Variants in OR51B5 observed in about 807,000 individuals in gnomAD.
The protein encoded by OR51B5 is olfactory receptor family 51 subfamily B member 5, also known as olfactory receptor 51B5.
For synonymous variants in OR51B5, 186 were observed against 144.8 expected (o/e 1.28, Z -2.04); for missense variants, 456 against 374.6 (o/e 1.22, Z -1.79).
intron 1 of OR51B5, among the ~76,000 whole-genome samples, chr11:5,385,814 A>T (rs1288342113): frequency 6.7e-6 from 1 of 149,084 alleles, no homozygotes; most frequent in South Asian, 2.1e-4. Context: ...AAAATCTATA[A>T]AGTATATAAA....
At chr11:5,505,586 G>C in exon 1 of OR51B5, 3 of 834,754 alleles carry the variant, frequency 3.6e-6, no homozygotes, top group Non-Finnish European at 4.8e-6. Flanking sequence ...CATAGCTGGG[G>C]AGGCCTCACA....
chr11:5,459,353 T>C (rs1851012131), intron 1 of OR51B5, among the ~76,000 whole-genome samples: 1 of 152,170 alleles, frequency 6.6e-6, no homozygotes, highest in Non-Finnish European at 1.5e-5. Flanking sequence ...TGGATTAAGT[T>C]TGCTAGCATT....
intron 1 of OR51B5, among the ~76,000 whole-genome samples, chr11:5,459,885 T>C (rs916265377): frequency 1.3e-5 from 2 of 152,176 alleles, no homozygotes; most frequent in African/African-American, 4.8e-5. Flanking sequence ...ACTGGGTATA[T>C]ACCCAAAGGT....
At chr11:5,422,670 C>T (rs372386488) in intron 1 of OR51B5, 26 of 1,613,880 alleles carry the variant, frequency 1.6e-5, no homozygotes, top group Middle Eastern at 1.6e-4. Context: ...TGTGTTCTGG[C>T]GGTTCTTCCC....
intron 1 of OR51B5, among the ~76,000 whole-genome samples, chr11:5,478,851 T>A (rs1222545531): frequency 6.7e-6 from 1 of 150,032 alleles, no homozygotes; most frequent in Non-Finnish European, 1.5e-5. Flanking sequence ...CCAAGAAATA[T>A]GGGACTATGT....
intron 1 of OR51B5, chr11:5,384,063 A>G (rs1005555147): frequency 1.3e-5 from 2 of 152,230 alleles, no homozygotes; most frequent in East Asian, 1.9e-4. Context: ...CTCAGTTACA[A>G]TTAAGGCTTT....
At chr11:5,411,904 G>A (rs999599041) in intron 1 of OR51B5, among the ~76,000 whole-genome samples, 5 of 152,190 alleles carry the variant, frequency 3.3e-5, no homozygotes, top group African/African-American at 4.8e-5. Flanking sequence ...GCTGGAAAAG[G>A]CAAGAAAATG....
intron 1 of OR51B5, among the ~76,000 whole-genome samples, chr11:5,464,439 C>G (rs552258061): frequency 2.0e-5 from 3 of 146,576 alleles, no homozygotes; most frequent in Non-Finnish European, 3.0e-5. Context: ...CCCTCCCCCC[C>G]ACCCACCCCA....
chr11:5,387,008 A>G (rs11037150), intron 1 of OR51B5, among the ~76,000 whole-genome samples: 23,747 of 152,114 alleles, frequency 0.16, 1,880 homozygotes, highest in African/African-American at 0.17. Context: ...GCAGAAACTC[A>G]GGCCTGATAT....
At position 5,424,850 on chromosome 11, in the gene OR51B5, C is replaced by T. The variant is rs1289559759; in HGVS notation, n.85-77940G>A. Among the ~76,000 whole-genome samples, 16 of 104,572 alleles carry T rather than the reference C, an allele frequency of 1.5e-4. 5 individuals are homozygous for T. The highest frequency in any genetic ancestry group is 3.4e-4 in the African/African-American group (10 of 29,772). The allele number at this position is 104,572 out of a possible 152,430, so 68.6% of individuals were successfully genotyped here. ...AGAAAAAATTAGCCGGGCGTGGTGG[C>T]GGGCGCCTATAGTCCCAGCTACTCA... On this transcript the variant is annotated intron_variant and non_coding_transcript_variant, in intron 1 of 4. Transcript: ENST00000415970.
exon 1 of OR51B5, chr11:5,342,866 A>C: frequency 6.2e-7 from 1 of 1,613,294 alleles, no homozygotes. Flanking sequence ...GACAGTCTTG[A>C]GTATCAACAC....
chr11:5,477,939 C>G (rs943621335), intron 1 of OR51B5, among the ~76,000 whole-genome samples: 4 of 151,814 alleles, frequency 2.6e-5, no homozygotes, highest in African/African-American at 7.3e-5. Flanking sequence ...TGGGGAGGGG[C>G]GCCCGCCATT....
rs569341758 is a variant in OR51B5, at chr11:5,371,365, T to A, written n.85-24455A>T. On this transcript the variant is annotated intron_variant and non_coding_transcript_variant, in intron 1 of 4. Transcript: ENST00000415970. ...GGCTCATAAACATTTAATAGAGACA[T>A]TGATGAAACTGTAAAACCCTGAGTT... 5.9e-5 allele frequency among the ~76,000 whole-genome samples: 9 copies of A among 152,168 alleles called. No homozygotes were observed. The East Asian group carries it at 1.4e-3, about 23-fold the overall frequency.
intron 1 of OR51B5, among the ~76,000 whole-genome samples, chr11:5,494,292 A>G (rs1395716684): frequency 6.6e-6 from 1 of 152,184 alleles, no homozygotes; most frequent in Non-Finnish European, 1.5e-5. Context: ...TTTCCCCCTC[A>G]TAGACTTTGA....
At chr11:5,408,350 CCCTTCCTCCCTT>C (rs200781289) in intron 1 of OR51B5, among the ~76,000 whole-genome samples, 53,118 of 98,464 alleles carry the variant, frequency 0.54, 11,188 homozygotes, top group Non-Finnish European at 0.64. Context: ...TTCCCTTCCT[CCCTTCCTCCCTT>C]CCTCCCTCCC....
intron 1 of OR51B5, among the ~76,000 whole-genome samples, chr11:5,497,939 A>G (rs960465025): frequency 2.0e-5 from 3 of 152,186 alleles, no homozygotes; most frequent in African/African-American, 4.8e-5. Context: ...CACGTTTATT[A>G]ATGGCATGAA....
At chr11:5,354,122 T>TA (rs1849148836) in intron 1 of OR51B5, among the ~76,000 whole-genome samples, 1 of 152,116 alleles carries the variant, frequency 6.6e-6, no homozygotes, top group Non-Finnish European at 1.5e-5. Context: ...TAAATAAAAT[T>TA]TAAAGTGACC....
chr11:5,348,737 G>T (rs2133684419), intron 1 of OR51B5, among the ~76,000 whole-genome samples: 1 of 152,224 alleles, frequency 6.6e-6, no homozygotes, highest in East Asian at 1.9e-4. Context: ...GGGTGGGTCT[G>T]CCTCTCCCAG....
chr11:5,472,958 G>A (rs576257618), intron 1 of OR51B5, among the ~76,000 whole-genome samples: 4 of 152,260 alleles, frequency 2.6e-5, no homozygotes, highest in African/African-American at 4.8e-5. Context: ...TGAAAGTCCC[G>A]CATTAGGAGA....
Sources: gnomAD v4.1 joint callset for allele counts (sites outside exome capture counted in the v4.1 genomes callset) on GRCh38, gnomAD v4.1.1 for gene constraint, MANE v1.5 for transcripts, NCBI Gene and HGNC (gene_info 2026-07-23, HGNC 2026-07-21) for gene names.